Variants in KDM4C observed in about 807,000 individuals in gnomAD.
The protein encoded by KDM4C is lysine-specific demethylase 4C.
A neutral mutation model predicts 129.3 loss-of-function variants in KDM4C; 81 were observed. The ratio of observed to expected loss-of-function variants is 0.63; its 90% CI spans 0.52 to 0.75. The LOEUF (loss-of-function observed/expected upper bound fraction) is 0.75, where lower values mean the gene tolerates loss of function less well. Among genes scored for constraint, KDM4C ranks in the 30% least tolerant of loss-of-function variants. The pLI is 0.00. For synonymous variants in KDM4C, 573 were observed against 456.1 expected, an observed-to-expected ratio of 1.26 and a Z score of -3.26; for missense variants, 1,457 against 1,304.0, an observed-to-expected ratio of 1.12 and a Z score of -1.81.
intron 17 of KDM4C, among the ~76,000 whole-genome samples, chr9:7,050,888 A>C (rs1468578538): frequency 6.6e-6 from 1 of 152,214 alleles, no homozygotes; most frequent in African/African-American, 2.4e-5. Flanking sequence ...AATTGCAAGT[A>C]AAGATGGTGA....
At chr9:6,938,796 A>C (rs1182138793) in intron 8 of KDM4C, among the ~76,000 whole-genome samples, 1 of 152,106 alleles carries the variant, frequency 6.6e-6, no homozygotes, top group African/African-American at 2.4e-5. Context: ...GTCTGAGGAG[A>C]GTAGAAAGAT....
chr9:6,978,911 C>G (rs996810171), intron 8 of KDM4C: 23 of 151,968 alleles, frequency 1.5e-4, no homozygotes, highest in African/African-American at 5.1e-4. Flanking sequence ...ATAGCATCAT[C>G]TGAGCAAACA....
chr9:7,052,909 G>GC (rs767668455), intron 17 of KDM4C, among the ~76,000 whole-genome samples: 1 of 100,150 alleles, frequency 1.0e-5, no homozygotes, highest in Non-Finnish European at 1.9e-5. Flanking sequence ...GAGCGAGCGA[G>GC]TGCCCAAGGG....
chr9:6,775,071 C>T (rs1208362854), intron 1 of KDM4C, among the ~76,000 whole-genome samples: 1 of 152,176 alleles, frequency 6.6e-6, no homozygotes, highest in Non-Finnish European at 1.5e-5. Context: ...AGTGCAAGTG[C>T]AGTGGCACAA....
intron 4 of KDM4C, among the ~76,000 whole-genome samples, chr9:6,833,244 T>C (rs1426364521): frequency 2.0e-5 from 3 of 151,938 alleles, no homozygotes; most frequent in African/African-American, 7.3e-5. Context: ...ATTTAGCCTA[T>C]TTTTTTTAAA....
At chr9:7,015,713 C>T (rs900671737) in intron 14 of KDM4C, 140 bp from the exon 15 acceptor site, 1 of 459,160 alleles carries the variant, frequency 2.2e-6, no homozygotes, top group East Asian at 3.6e-5. Context: ...ATTCACCTTG[C>T]TTATGTTTTG....
At chr9:6,985,991 C>T (rs1294479382) in intron 10 of KDM4C, among the ~76,000 whole-genome samples, 1 of 152,204 alleles carries the variant, frequency 6.6e-6, no homozygotes, top group South Asian at 2.1e-4. Context: ...GTGCCCGGCT[C>T]CTCATCATGC....
At chr9:6,852,142 A>G (rs538169886) in intron 5 of KDM4C, among the ~76,000 whole-genome samples, 1 of 152,348 alleles carries the variant, frequency 6.6e-6, no homozygotes, top group South Asian at 2.1e-4. Context: ...TAGATGTATG[A>G]AATATTACAT....
At chr9:7,084,187 C>T (rs551742732) in intron 17 of KDM4C, among the ~76,000 whole-genome samples, 32 of 152,300 alleles carry the variant, frequency 2.1e-4, no homozygotes, top group African/African-American at 7.5e-4. Flanking sequence ...TGTTGACGAC[C>T]TGTGCCACTA....
chr9:7,117,626 T>TACACACACACACAC (rs71315578), intron 18 of KDM4C, among the ~76,000 whole-genome samples: 54 of 147,022 alleles, frequency 3.7e-4, no homozygotes, highest in Non-Finnish European at 5.5e-4. Flanking sequence ...TGTTAATTTC[T>TACACACACACACAC]ACACACACAC....
At chr9:7,138,713 G>A (rs1259296504) in intron 19 of KDM4C, among the ~76,000 whole-genome samples, 2 of 151,970 alleles carry the variant, frequency 1.3e-5, no homozygotes, top group Non-Finnish European at 2.9e-5. Context: ...TAGCTCCTTG[G>A]GAGACTGAGG....
chr9:7,050,276 C>CTCAT lies in KDM4C; in HGVS notation c.2424+1079_2424+1080insTTCA, dbSNP rs1829957537. Among the ~76,000 whole-genome samples, 3 of 151,676 alleles carry CTCAT rather than the reference C, an allele frequency of 2.0e-5. No individual in the cohort carries two copies. The South Asian group carries it at 6.2e-4, about 32-fold the overall frequency. On this transcript the variant is annotated intron_variant, in intron 17 of 21. Coordinates refer to ENST00000381309, the MANE Select transcript of KDM4C (RefSeq NM_015061.6). ...TGATGTGAGTGTTGGGCTTAGGATG[C>CTCAT]TCAGCATGTGGTAGTTGGAAGTTTT...
At chr9:7,140,923 G>A (rs1841680741) in intron 19 of KDM4C, among the ~76,000 whole-genome samples, 1 of 152,198 alleles carries the variant, frequency 6.6e-6, no homozygotes, top group African/African-American at 2.4e-5. Flanking sequence ...AGTGCGACCT[G>A]AATGAAGATC....
At chr9:6,756,245 T>A (rs1434229158), upstream of KDM4C, among the ~76,000 whole-genome samples, 1 of 152,220 alleles carries the variant, frequency 6.6e-6, no homozygotes, top group East Asian at 1.9e-4. Context: ...TATAAGTATT[T>A]ATTAATACAT....
intron 1 of KDM4C, among the ~76,000 whole-genome samples, chr9:6,729,213 A>G (rs1184764995): frequency 1.7e-4 from 21 of 122,508 alleles, no homozygotes; most frequent in Admixed American, 2.8e-4. Context: ...CCAAAAAAAA[A>G]AAAAAAAAAA....
At chr9:6,847,433 C>A (rs1181189749) in intron 4 of KDM4C, among the ~76,000 whole-genome samples, 1 of 151,894 alleles carries the variant, frequency 6.6e-6, no homozygotes, top group Non-Finnish European at 1.5e-5. Context: ...GAGTCTTGCT[C>A]TGTCGCCCAG....
chr9:6,940,533 T>C (rs1328268265), intron 8 of KDM4C, among the ~76,000 whole-genome samples: 1 of 152,224 alleles, frequency 6.6e-6, no homozygotes, highest in African/African-American at 2.4e-5. Context: ...CAGTGCAAAT[T>C]GCTACTTGAA....
chr9:7,174,337 G>T (rs946003476), intron 21 of KDM4C, among the ~76,000 whole-genome samples: 14 of 152,306 alleles, frequency 9.2e-5, no homozygotes, highest in African/African-American at 3.4e-4. Context: ...GGGTTGGAGG[G>T]TGGGGAGATC....
At chr9:7,109,019 G>C in intron 18 of KDM4C, among the ~76,000 whole-genome samples, 1 of 152,218 alleles carries the variant, frequency 6.6e-6, no homozygotes, top group East Asian at 1.9e-4. Flanking sequence ...CACTCCCACT[G>C]TAACATTCTC....
Sources: allele counts gnomAD v4.1 joint callset (sites outside exome capture counted in the v4.1 genomes callset), GRCh38; gene constraint gnomAD v4.1.1; transcripts MANE v1.5; gene names NCBI Gene and HGNC (gene_info 2026-07-23, HGNC 2026-07-21).